The following HEATR1 variants were observed in gnomAD, a reference collection of about 807,000 sequenced individuals.
The protein encoded by HEATR1 is HEAT repeat-containing protein 1.
In HEATR1, 77 loss-of-function variants were observed where a neutral mutation model predicts 248.2. The observed-to-expected ratio is 0.31, with a 90% confidence interval of 0.26 to 0.37. The LOEUF (loss-of-function observed/expected upper bound fraction) is 0.37, where lower values mean the gene tolerates loss of function less well. Ranked by LOEUF, HEATR1 falls within the 10% of genes least tolerant of loss-of-function variation. HEATR1 has a pLI of 1.00. For missense variants in HEATR1, 2,420 were observed against 2,504.9 expected (o/e 0.97, Z 0.72); for synonymous variants, 897 against 923.1 (o/e 0.97, Z 0.51).
At chr1:236,577,649 C>T (rs531514893) in intron 20 of HEATR1, among the ~76,000 whole-genome samples, 8 of 151,852 alleles carry the variant, frequency 5.3e-5, no homozygotes, top group African/African-American at 1.4e-4. Context: ...CCACCACATC[C>T]GGCTAATTTT....
chr1:236,561,944 T>G (rs1166519753), intron 32 of HEATR1, among the ~76,000 whole-genome samples: 1 of 152,176 alleles, frequency 6.6e-6, no homozygotes. Context: ...CTTGGGAAGT[T>G]TTTACAGCAT....
chr1:236,588,058 A>T lies in HEATR1; in HGVS notation c.1531-15T>A, dbSNP rs1663941091. Reference sequence around the variant, plus strand: ...TCAACACCCTCCTGAGCAATAAAAGAAAAACATTAATTTAGCTGTTGCCAA... The same window carrying T: ...TCAACACCCTCCTGAGCAATAAAAGTAAAACATTAATTTAGCTGTTGCCAA... On this transcript the variant is annotated splice_polypyrimidine_tract_variant and intron_variant, in intron 12 of 44. Coordinates refer to ENST00000366582, the MANE Select transcript of HEATR1 (RefSeq NM_018072.6). 1 of 1,594,502 alleles carries T rather than the reference A, an allele frequency of 6.3e-7. No individual in the cohort carries two copies. Among genetic ancestry groups the T allele is most frequent in the African/African-American group, 1.4e-5 (1 of 74,038 alleles).
intron 20 of HEATR1, among the ~76,000 whole-genome samples, chr1:236,579,646 T>C (rs6660718): frequency 0.034 from 5,233 of 152,260 alleles, 108 homozygotes; most frequent in Middle Eastern, 0.058. Flanking sequence ...ATAGAGTTGT[T>C]CTTATCCAAA....
rs779804886 is a variant in HEATR1, at chr1:236,592,654, A to ACTGGAATTTG, written c.1194-22_1194-21insCAAATTCCAG. On this transcript the variant is annotated intron_variant, in intron 9 of 44. Coordinates refer to ENST00000366582, the MANE Select transcript of HEATR1 (RefSeq NM_018072.6). ...GAAGGCTGTAAAAAAAAAAACAGAA[A>ACTGGAATTTG]TATCAGCATACATAAGAGTTACTAT... 4 of 943,304 alleles carry ACTGGAATTTG rather than the reference A, an allele frequency of 4.2e-6. No homozygotes were observed. In the Admixed American group the frequency reaches 8.5e-5, roughly 20 times the overall value. The allele number at this position is 943,304 out of a possible 1,614,324, so 58.4% of individuals were successfully genotyped here.
intron 36 of HEATR1, 64 bp downstream of exon 36, chr1:236,558,171 CAA>C: frequency 6.7e-7 from 1 of 1,485,220 alleles, no homozygotes; most frequent in Non-Finnish European, 9.0e-7. Context: ...AAAAAGTCAC[CAA>C]AGTGTTATTT....
At chr1:236,603,881 G>GT in intron 2 of HEATR1, 73 bp downstream of exon 2, 2 of 1,301,086 alleles carry the variant, frequency 1.5e-6, no homozygotes, top group Non-Finnish European at 1.0e-6. Flanking sequence ...GAAAACAAGG[G>GT]GAAAAAAAAA....
Position 236,574,015 on chromosome 1 carries a change from T to C in HEATR1, c.3459+187A>G, listed in dbSNP as rs528102814. ...AATTATCAACAAATACTTCATAAAA[T>C]AAAATAATGGTAAAGATTTAAAATT... is the stretch of plus-strand genomic sequence containing the variant. On this transcript the variant is annotated intron_variant, in intron 24 of 44. Coordinates refer to ENST00000366582, the MANE Select transcript of HEATR1 (RefSeq NM_018072.6). 36 of 431,690 alleles carry C rather than the reference T, an allele frequency of 8.3e-5. No homozygotes were observed. In the South Asian group the frequency reaches 1.1e-3, roughly 13 times the overall value. 26.7% of individuals were successfully genotyped at this position (431,690 alleles called of 1,614,324 possible).
At chr1:236,598,297 A>G (rs1664228772) in intron 4 of HEATR1, among the ~76,000 whole-genome samples, 1 of 152,218 alleles carries the variant, frequency 6.6e-6, no homozygotes. Context: ...TTGGTTTCTG[A>G]GCCACTATGA....
intron 23 of HEATR1, 87 bp downstream of exon 23, chr1:236,574,574 C>CTTT: frequency 9.1e-7 from 1 of 1,096,432 alleles, no homozygotes; most frequent in East Asian, 2.8e-5. Context: ...AAATATTAAT[C>CTTT]TTTTTTTTTT....
chr1:236,568,618 G>A (rs984887788), intron 29 of HEATR1, among the ~76,000 whole-genome samples: 22 of 152,118 alleles, frequency 1.4e-4, no homozygotes, highest in African/African-American at 5.3e-4. Flanking sequence ...AGCTCTAAAA[G>A]TTCCTAGCCT....
chr1:236,573,461 C>G (rs1663483645), intron 24 of HEATR1, among the ~76,000 whole-genome samples: 1 of 151,910 alleles, frequency 6.6e-6, no homozygotes, highest in Non-Finnish European at 1.5e-5. Flanking sequence ...TCAAAGAAAA[C>G]AACTATAAAA....
chr1:236,566,933 G>C (rs1663288323), intron 29 of HEATR1, 57 bp from the exon 30 acceptor site: 1 of 1,170,434 alleles, frequency 8.5e-7, no homozygotes, highest in Admixed American at 1.8e-5. Flanking sequence ...CACAAAACAA[G>C]TTTAGGTGAA....
chr1:236,596,497 G>A (rs1035153897), intron 6 of HEATR1, among the ~76,000 whole-genome samples: 2 of 152,178 alleles, frequency 1.3e-5, no homozygotes, highest in Non-Finnish European at 2.9e-5. Context: ...TGAGAGGCAG[G>A]AGCCAGTGCA....
intron 37 of HEATR1, 27 bp downstream of exon 37, chr1:236,557,168 T>C: frequency 2.5e-6 from 4 of 1,611,092 alleles, no homozygotes; most frequent in Non-Finnish European, 3.4e-6. Context: ...CCACCCTGCG[T>C]AGCATGTCGT....
At position 236,604,099 on chromosome 1, in the gene HEATR1, T is replaced by A. The variant is rs371121511; in HGVS notation, c.-4A>T. 4 of 1,554,534 alleles carry A rather than the reference T, an allele frequency of 2.6e-6. No individual in the cohort carries two copies. The highest frequency in any genetic ancestry group is 3.5e-6 in the Non-Finnish European group (4 of 1,158,350). On this transcript the variant is annotated 5_prime_UTR_variant, in exon 2 of 45. Coordinates refer to ENST00000366582, the MANE Select transcript of HEATR1 (RefSeq NM_018072.6). ...GCTGCTGGGCTAAGGACGTCATCTT[T>A]CACGCCAGCGGAGTTTTAATGACAC...
rs767924835 is a variant in HEATR1 at position 236,586,470 on chromosome 1, A to G, written c.1716-18T>C. 11 of 1,569,918 alleles carry G rather than the reference A, an allele frequency of 7.0e-6. No homozygotes were observed. Among genetic ancestry groups the G allele is most frequent in the Non-Finnish European group, 9.6e-6 (11 of 1,141,530 alleles). On this transcript the variant is annotated intron_variant, in intron 14 of 44. Transcript: ENST00000366582. ...CCTCGTACCTAAAAGACATGCAAGC[A>G]CACTTGGTTGAAAGACACATTGGAA...
In HEATR1 at chr1:236,555,594, A is replaced by G; in HGVS notation, c.5711T>C (p.Val1904Ala). 3 of 1,614,256 alleles carry G rather than the reference A, an allele frequency of 1.9e-6. No homozygotes were observed. The highest frequency in any genetic ancestry group is 2.5e-6 in the Non-Finnish European group (3 of 1,180,040). Reference protein sequence around the residue: ...NCIIDCLVAMVVKLSEVTFRP... With the variant: ...NCIIDCLVAMAVKLSEVTFRP... ...GAATGTGACCTCGGAAAGTTTGACA[A>G]CCATGGCTACTAGACAGTCAATGAT... Residue 1904 changes from valine to alanine, a missense_variant, in exon 40 of 45, where the codon GTT becomes GCT. Physicochemically the swap from Val to Ala is moderately conservative, Grantham distance 64. Transcript: ENST00000366582.
intron 29 of HEATR1, 68 bp from the exon 30 acceptor site, chr1:236,566,944 C>T (rs1311394863): frequency 4.0e-6 from 4 of 1,005,576 alleles, no homozygotes; most frequent in African/African-American, 1.6e-5. Flanking sequence ...TTTAGGTGAA[C>T]AAGATAAGGC....
Position 236,550,841 on chromosome 1 carries a change from A to G in HEATR1, c.*61T>C. 1.5e-6 allele frequency: 2 copies of G among 1,359,042 alleles called. No individual in the cohort carries two copies. The highest frequency in any genetic ancestry group is 2.0e-6 in the Non-Finnish European group (2 of 982,074). 84.2% of individuals were successfully genotyped at this position (1,359,042 alleles called of 1,614,324 possible). A position where few individuals can be genotyped will look rare whatever the true frequency, so the allele number is the denominator to read the frequency against. On this transcript the variant is annotated 3_prime_UTR_variant, in exon 45 of 45. Transcript: ENST00000366582. ...AAGTAACATGGCACCCAACACCCAA[A>G]AATAAAAATATGAAATATGAGTGTG...
Sources: allele counts gnomAD v4.1 joint callset (sites outside exome capture counted in the v4.1 genomes callset), GRCh38; gene constraint gnomAD v4.1.1; transcripts MANE v1.5; gene names NCBI Gene and HGNC (gene_info 2026-07-23, HGNC 2026-07-21).